Variants in GALNT13 observed in about 807,000 individuals in gnomAD.
GALNT13 encodes UDP-GalNAc:polypeptide N-acetylgalactosaminyltransferase 13.
A neutral mutation model predicts 64.2 loss-of-function variants in GALNT13; 28 were observed. The ratio of observed to expected loss-of-function variants is 0.44; its 90% CI spans 0.32 to 0.60. GALNT13 has a LOEUF of 0.60. Ranked by LOEUF, GALNT13 falls within the 20% of genes least tolerant of loss-of-function variation. GALNT13 has a pLI of 0.05. For synonymous variants in GALNT13, 214 were observed against 224.6 expected, an observed-to-expected ratio of 0.95 and a Z score of 0.42; for missense variants, 577 against 669.8, an observed-to-expected ratio of 0.86 and a Z score of 1.53.
chr2:154,177,441 G>A lies in GALNT13; in HGVS notation c.311+36936G>A, dbSNP rs1055672689. Among the ~76,000 whole-genome samples the A allele has an allele frequency of 5.3e-5, 8 of 151,982 alleles. No individual in the cohort carries two copies. In the East Asian group the frequency reaches 7.7e-4, roughly 15 times the overall value. On this transcript the variant is annotated intron_variant, in intron 4 of 12. Coordinates refer to ENST00000392825, the MANE Select transcript of GALNT13 (RefSeq NM_052917.4). ...GAATAGGTGGAACACAGGATTTTAG[G>A]GCATTGAAAATACTCTTGTGATACT...
At position 154,009,133 on chromosome 2, in the gene GALNT13, T is replaced by C. The variant is rs565619117; in HGVS notation, c.142+64494T>C. Among the ~76,000 whole-genome samples, 150 of 151,838 alleles carry C rather than the reference T, an allele frequency of 9.9e-4. 4 individuals are homozygous for C. In the South Asian group the frequency reaches 0.03, roughly 31 times the overall value. ...CTGTGGCTAGCCAGTTATCCCAGCA[T>C]CATTTATTGAATAGAAAGTCCTTTC... On this transcript the variant is annotated intron_variant, in intron 3 of 12. Coordinates refer to ENST00000392825, the MANE Select transcript of GALNT13 (RefSeq NM_052917.4).
intron 4 of GALNT13, among the ~76,000 whole-genome samples, chr2:154,218,641 C>G (rs1208189533): frequency 6.6e-6 from 1 of 152,100 alleles, no homozygotes. Flanking sequence ...TTCAGTCTTT[C>G]TCTTACTGTG....
At chr2:153,531,783 A>C in the GALNT13 span, among the ~76,000 whole-genome samples, 1 of 152,202 alleles carries the variant, frequency 6.6e-6, no homozygotes, top group African/African-American at 2.4e-5. Flanking sequence ...TCAAAAGGAA[A>C]AAATTGACCA....
At chr2:154,085,077 A>G (rs1701459939) in intron 3 of GALNT13, among the ~76,000 whole-genome samples, 1 of 151,938 alleles carries the variant, frequency 6.6e-6, no homozygotes, top group Admixed American at 6.6e-5. Context: ...ATCTATATTT[A>G]TGTTCCTACT....
chr2:153,482,491 A>G, the GALNT13 span, among the ~76,000 whole-genome samples: 5 of 152,104 alleles, frequency 3.3e-5, no homozygotes, highest in Non-Finnish European at 5.9e-5. Flanking sequence ...GTTTTTTGAG[A>G]TGGTGTCTCG....
the GALNT13 span, among the ~76,000 whole-genome samples, chr2:153,759,233 T>C: frequency 6.6e-6 from 1 of 152,294 alleles, no homozygotes; most frequent in East Asian, 1.9e-4. Flanking sequence ...TAAGATCATG[T>C]CATCACCAAA....
chr2:153,074,380 A>C, the GALNT13 span, among the ~76,000 whole-genome samples: 2 of 152,212 alleles, frequency 1.3e-5, no homozygotes, highest in East Asian at 1.9e-4. Context: ...CATTTTTTTA[A>C]GAATCATTAT....
At chr2:153,495,632 T>C in the GALNT13 span, among the ~76,000 whole-genome samples, 1 of 152,238 alleles carries the variant, frequency 6.6e-6, no homozygotes, top group Non-Finnish European at 1.5e-5. Flanking sequence ...AAAATGCTGA[T>C]TGAAAAAATT....
At chr2:153,745,119 C>A in the GALNT13 span, among the ~76,000 whole-genome samples, 1 of 152,044 alleles carries the variant, frequency 6.6e-6, no homozygotes, top group Non-Finnish European at 1.5e-5. Context: ...GATTTTTGTC[C>A]AGACAGTGCT....
intron 3 of GALNT13, among the ~76,000 whole-genome samples, chr2:153,967,933 T>G (rs1444833836): frequency 6.6e-6 from 1 of 152,048 alleles, no homozygotes; most frequent in Non-Finnish European, 1.5e-5. Flanking sequence ...TTCCTGATAA[T>G]TTACTTTGCT....
chr2:153,494,727 G>A, the GALNT13 span, among the ~76,000 whole-genome samples: 3 of 151,920 alleles, frequency 2.0e-5, no homozygotes, highest in South Asian at 2.1e-4. Flanking sequence ...GAAAGTATAA[G>A]TAATCCAAGA....
chr2:153,171,933 A>G, the GALNT13 span: 14 of 152,254 alleles, frequency 9.2e-5, no homozygotes, highest in African/African-American at 2.7e-4. Flanking sequence ...CAGAAAAGAT[A>G]GCCCTTCCAT....
intron 4 of GALNT13, among the ~76,000 whole-genome samples, chr2:154,147,403 C>A (rs555328079): frequency 8.3e-4 from 109 of 131,104 alleles, no homozygotes; most frequent in African/African-American, 2.9e-3. Flanking sequence ...ATATATATAT[C>A]TCCTAGTATG....
intron 4 of GALNT13, among the ~76,000 whole-genome samples, chr2:154,234,272 TG>T (rs1689076473): frequency 2.0e-5 from 3 of 152,230 alleles, no homozygotes; most frequent in Admixed American, 2.0e-4. Flanking sequence ...TATAATATTC[TG>T]TACAGTGCTT....
the GALNT13 span, among the ~76,000 whole-genome samples, chr2:153,537,886 T>A: frequency 6.6e-6 from 1 of 152,184 alleles, no homozygotes; most frequent in Non-Finnish European, 1.5e-5. Context: ...CTCTTTCTTT[T>A]AAAAATTACC....
intron 7 of GALNT13, chr2:154,257,525 C>T (rs1035665295): frequency 6.6e-6 from 1 of 152,122 alleles, no homozygotes; most frequent in African/African-American, 2.4e-5. Context: ...TTCCTAATTA[C>T]CATCTGTTTA....
intron 11 of GALNT13, among the ~76,000 whole-genome samples, chr2:154,428,198 G>T (rs1210636588): frequency 6.6e-6 from 1 of 152,186 alleles, no homozygotes; most frequent in Non-Finnish European, 1.5e-5. Flanking sequence ...GTAAAGAGAA[G>T]TTTAAGCCCG....
At chr2:153,943,430 A>G (rs1055895426) in intron 2 of GALNT13, among the ~76,000 whole-genome samples, 4 of 151,928 alleles carry the variant, frequency 2.6e-5, no homozygotes, top group African/African-American at 4.8e-5. Flanking sequence ...CAATTGCTCT[A>G]CTTAAGAATA....
chr2:153,932,322 T>C (rs1260443692), intron 2 of GALNT13, among the ~76,000 whole-genome samples: 1 of 151,920 alleles, frequency 6.6e-6, no homozygotes, highest in Admixed American at 6.6e-5. Flanking sequence ...TCTTTTCTTC[T>C]GCTTGCTTTG....
Sources: gnomAD v4.1 joint callset for allele counts (sites outside exome capture counted in the v4.1 genomes callset) on GRCh38, gnomAD v4.1.1 for gene constraint, MANE v1.5 for transcripts, NCBI Gene and HGNC (gene_info 2026-07-23, HGNC 2026-07-21) for gene names.